The following EFCAB13 variants were observed in gnomAD, a reference collection of about 807,000 sequenced individuals.
EFCAB13 encodes EF-hand calcium binding domain 13, also known as EF-hand calcium-binding domain-containing protein 13.
EFCAB13 carries 91 observed loss-of-function variants against 110.2 expected under a neutral mutation model. The ratio of observed to expected loss-of-function variants is 0.83; its 90% CI spans 0.70 to 0.98. The LOEUF (loss-of-function observed/expected upper bound fraction) is 0.98, where lower values mean the gene tolerates loss of function less well. Among genes scored for constraint, EFCAB13 ranks in the 50% least tolerant of loss-of-function variants. EFCAB13 has a pLI of 0.00. For missense variants in EFCAB13, 968 were observed against 1,119.4 expected (o/e 0.86, Z 1.93); for synonymous variants, 323 against 369.9 (o/e 0.87, Z 1.45).
chr17:47,412,512 G>T (rs909108764), intron 21 of EFCAB13, among the ~76,000 whole-genome samples: 4 of 152,152 alleles, frequency 2.6e-5, no homozygotes, highest in African/African-American at 9.7e-5. Flanking sequence ...GTTTTTAATG[G>T]ATGAATGAAT....
At chr17:47,366,393 G>T (rs2065546303) in intron 10 of EFCAB13, among the ~76,000 whole-genome samples, 1 of 151,108 alleles carries the variant, frequency 6.6e-6, no homozygotes, top group South Asian at 2.1e-4. Flanking sequence ...TGCAGTTTTT[G>T]CTAGAGGAGG....
chr17:47,430,020 G>T, intron 24 of EFCAB13, 59 bp downstream of exon 24: 1 of 1,493,736 alleles, frequency 6.7e-7, no homozygotes, highest in East Asian at 2.4e-5. Flanking sequence ...GGGGTGGAAG[G>T]TCTATGGGTA....
At chr17:47,347,479 T>C (rs1474784990) in intron 8 of EFCAB13, among the ~76,000 whole-genome samples, 1 of 152,270 alleles carries the variant, frequency 6.6e-6, no homozygotes, top group East Asian at 1.9e-4. Context: ...CAAGCAATCA[T>C]AATACCAAGG....
chr17:47,367,062 A>G (rs1323882270), intron 10 of EFCAB13, among the ~76,000 whole-genome samples: 1 of 152,236 alleles, frequency 6.6e-6, no homozygotes, highest in Admixed American at 6.5e-5. Context: ...AACATGGGAC[A>G]TGGAATCAAT....
At chr17:47,410,661 A>G (rs2065829646) in intron 21 of EFCAB13, among the ~76,000 whole-genome samples, 1 of 152,202 alleles carries the variant, frequency 6.6e-6, no homozygotes, top group African/African-American at 2.4e-5. Context: ...GAAGTTAGCA[A>G]GTTACATGCT....
At chr17:47,342,894 A>T (rs1463439540) in intron 6 of EFCAB13, among the ~76,000 whole-genome samples, 1 of 152,126 alleles carries the variant, frequency 6.6e-6, no homozygotes, top group Non-Finnish European at 1.5e-5. Context: ...GCTGAATCTA[A>T]TCTACAGTTT....
At chr17:47,355,959 G>A (rs2065478574) in intron 9 of EFCAB13, among the ~76,000 whole-genome samples, 1 of 152,082 alleles carries the variant, frequency 6.6e-6, no homozygotes, top group Non-Finnish European at 1.5e-5. Flanking sequence ...ATGCTCTGAA[G>A]TTTTTTCTTC....
rs867325037 is a variant in EFCAB13, at chr17:47,398,258, C to T, written c.1945+2281C>T. 1.5e-3 allele frequency among the ~76,000 whole-genome samples: 211 copies of T among 136,346 alleles called. 1 individual carries two copies. Among genetic ancestry groups the T allele is most frequent in the East Asian group, 4.8e-3 (17 of 3,544 alleles). The allele number at this position is 136,346 out of a possible 152,430, so 89.4% of individuals were successfully genotyped here. A position where few individuals can be genotyped will look rare whatever the true frequency, so the allele number is the denominator to read the frequency against. On this transcript the variant is annotated intron_variant, in intron 17 of 24. Coordinates refer to ENST00000331493, the MANE Select transcript of EFCAB13 (RefSeq NM_152347.5). ...GAGGTGGGGGGGTCAGCCCCCCGCCCGGCCAGCCACCCCGCCCGGGAGGTG... is the reference window on the plus strand; with the variant it reads ...GAGGTGGGGGGGTCAGCCCCCCGCCTGGCCAGCCACCCCGCCCGGGAGGTG...
At chr17:47,384,156 T>TG (rs1427824531) in intron 14 of EFCAB13, among the ~76,000 whole-genome samples, 367 of 150,458 alleles carry the variant, frequency 2.4e-3, no homozygotes, top group African/African-American at 8.8e-3. Context: ...TTTTTTTTTT[T>TG]TGTTTTTTTT....
At chr17:47,389,106 C>T (rs983834393) in intron 14 of EFCAB13, among the ~76,000 whole-genome samples, 9 of 152,262 alleles carry the variant, frequency 5.9e-5, no homozygotes, top group African/African-American at 2.2e-4. Flanking sequence ...AATCATTGCA[C>T]ACTGCAGCCT....
At chr17:47,425,579 C>A (rs1200477633) in intron 23 of EFCAB13, among the ~76,000 whole-genome samples, 1 of 152,220 alleles carries the variant, frequency 6.6e-6, no homozygotes, top group African/African-American at 2.4e-5. Flanking sequence ...ACCACACTTA[C>A]CACTTGCAGC....
intron 10 of EFCAB13, among the ~76,000 whole-genome samples, chr17:47,366,440 A>G (rs1670123675): frequency 6.6e-6 from 1 of 152,152 alleles, no homozygotes; most frequent in Admixed American, 6.5e-5. Context: ...GATTACAGAA[A>G]TGTAGTGTTA....
chr17:47,372,577 C>T (rs770670801), intron 11 of EFCAB13, among the ~76,000 whole-genome samples: 2 of 152,160 alleles, frequency 1.3e-5, no homozygotes, highest in Non-Finnish European at 2.9e-5. Context: ...TACTAAACAG[C>T]ATCCTTTTCT....
In EFCAB13 at chr17:47,379,856, A is replaced by G. The variant is rs955080928; in HGVS notation, c.1582+603A>G. 9.8e-5 allele frequency among the ~76,000 whole-genome samples: 15 copies of G among 152,308 alleles called. 1 individual carries two copies. Among genetic ancestry groups the G allele is most frequent in the African/African-American group, 3.6e-4 (15 of 41,570 alleles). Reference sequence around the variant, plus strand: ...TCTGTTTATACATATGCTAAAAACGAAAGATAAGCTTTTTGTCTCTTTCCA... The same window carrying G: ...TCTGTTTATACATATGCTAAAAACGGAAGATAAGCTTTTTGTCTCTTTCCA... On this transcript the variant is annotated intron_variant, in intron 14 of 24. Coordinates refer to ENST00000331493, the MANE Select transcript of EFCAB13 (RefSeq NM_152347.5).
intron 24 of EFCAB13, among the ~76,000 whole-genome samples, chr17:47,438,104 A>G (rs1255944643): frequency 6.6e-6 from 1 of 152,186 alleles, no homozygotes; most frequent in Non-Finnish European, 1.5e-5. Flanking sequence ...GGCTGAAGAT[A>G]GGGCCCTAAT....
At chr17:47,424,946 G>T (rs1904893039) in intron 23 of EFCAB13, among the ~76,000 whole-genome samples, 1 of 121,546 alleles carries the variant, frequency 8.2e-6, no homozygotes, top group African/African-American at 3.3e-5. Context: ...GCAGTGGCGC[G>T]ATCTCGGCTC....
chr17:47,409,140 T>C (rs981208836), intron 20 of EFCAB13, among the ~76,000 whole-genome samples: 5 of 152,056 alleles, frequency 3.3e-5, no homozygotes, highest in African/African-American at 1.2e-4. Context: ...ATTTCTATCG[T>C]TTGTTCCTCA....
rs2065313672 is a variant in EFCAB13 at position 47,330,464 on chromosome 17, C to T, written c.30+2081C>T. 2.0e-5 allele frequency among the ~76,000 whole-genome samples: 3 copies of T among 151,996 alleles called. No individual in the cohort carries two copies. In the South Asian group the frequency reaches 6.2e-4, roughly 32 times the overall value. On this transcript the variant is annotated intron_variant, in intron 4 of 24. Coordinates refer to ENST00000331493, the MANE Select transcript of EFCAB13 (RefSeq NM_152347.5). ...AGTTTTTCATCCTTCACTTCCCTGT[C>T]CCCTCTCCACTTCTGAATCTCTACC...
chr17:47,355,252 A>G (rs192693963), intron 9 of EFCAB13, among the ~76,000 whole-genome samples: 14 of 152,284 alleles, frequency 9.2e-5, no homozygotes, highest in Admixed American at 2.0e-4. Flanking sequence ...ATCTGCTGTT[A>G]ATCTGATAGG....
Sources: gnomAD v4.1 joint callset for allele counts (sites outside exome capture counted in the v4.1 genomes callset) on GRCh38, gnomAD v4.1.1 for gene constraint, MANE v1.5 for transcripts, NCBI Gene and HGNC (gene_info 2026-07-23, HGNC 2026-07-21) for gene names.